Variants in SF3A2 observed in about 807,000 individuals in gnomAD.
SF3A2 encodes the protein splicing factor 3a subunit 2.
Under a neutral mutation model 31.1 loss-of-function variants are expected in SF3A2, and 5 were observed. The observed-to-expected ratio is 0.16, with a 90% confidence interval of 0.08 to 0.34. The LOEUF (loss-of-function observed/expected upper bound fraction) is 0.34. Among genes scored for constraint, SF3A2 ranks in the 10% least tolerant of loss-of-function variants. SF3A2 has a pLI of 1.00. For missense variants in SF3A2, 577 were observed against 643.9 expected, an observed-to-expected ratio of 0.90 and a Z score of 1.13; for synonymous variants, 365 against 263.7, an observed-to-expected ratio of 1.38 and a Z score of -3.72.
Position 2,246,334 on chromosome 19 carries a change from G to A in SF3A2, c.356-419G>A, listed in dbSNP as rs2024932421. ...AGCCATTCTCGGGGTCCAGGCTGCT[G>A]AGCTCTGGCGGGAAGGGCATCCTCT... On this transcript the variant is annotated intron_variant, in intron 5 of 8. Transcript: ENST00000221494. This position sits in a 1 kb window ranked among gnomAD's most constrained non-coding sequence, Gnocchi z 5.5. Among the ~76,000 whole-genome samples the A allele has an allele frequency of 6.6e-6, 1 of 152,164 alleles. No homozygotes were observed. Among genetic ancestry groups the A allele is most frequent in the African/African-American group, 2.4e-5 (1 of 41,436 alleles).
At position 2,247,949 on chromosome 19, in the gene SF3A2, C is replaced by A. The variant is rs767984205; in HGVS notation, c.798C>A (p.Pro266=). Residue 266 remains proline (P), a synonymous_variant, in exon 9 of 9, where the codon CCC becomes CCA. Transcript: ENST00000221494. The stretch of plus-strand genomic sequence containing the variant: ...GCCTGCCTCTGCCACCCATGCCCCC[C>A]ACAGGGCCTGCGCCCTCAGGGCCCC... ...PGGLPLPPMP[P]TGPAPSGPPG... is the part of the protein sequence containing the mutation. The A allele has an allele frequency of 2.7e-5, 39 of 1,421,558 alleles. No homozygotes were observed. The highest frequency in any genetic ancestry group is 3.4e-5 in the Non-Finnish European group (35 of 1,029,068). 88.1% of individuals were successfully genotyped at this position (1,421,558 alleles called of 1,614,324 possible). A position where few individuals can be genotyped will look rare whatever the true frequency, so the allele number is the denominator to read the frequency against.
At position 2,243,444 on chromosome 19, in the gene SF3A2, G is replaced by A; in HGVS notation, c.26G>A (p.Gly9Asp). The change falls in exon 2 of 9, where the codon GGC becomes GAC. Residue 9 changes from glycine to aspartate, a missense_variant. Physicochemically the swap from Gly to Asp is moderately conservative, Grantham distance 94. Around this residue, in one of 6 missense-constraint regions of SF3A2, gnomAD observed 40 missense variants for 50.0 expected, o/e 0.80. Coordinates refer to ENST00000221494, the MANE Select transcript of SF3A2 (RefSeq NM_007165.5). MDFQHRPG[G>D]KTGSGGVASS... The stretch of plus-strand genomic sequence containing the variant: ...ATGGACTTCCAGCATCGCCCCGGGG[G>A]CAAGACCGGGAGCGGGGGCGTGGCC... The A allele has an allele frequency of 1.3e-6, 2 of 1,553,078 alleles. No individual in the cohort carries two copies. Among genetic ancestry groups the A allele is most frequent in the Admixed American group, 2.1e-5 (1 of 47,372 alleles).
Position 2,245,815 on chromosome 19 carries a change from T to G in SF3A2, c.355+260T>G. Reference sequence around the variant, plus strand: ...TCTGTGCCCTCCTGTCCGGGTCTTGTGGAAGCTTCTGGGAATTCTTGCCAA... The same window carrying G: ...TCTGTGCCCTCCTGTCCGGGTCTTGGGGAAGCTTCTGGGAATTCTTGCCAA... On this transcript the variant is annotated intron_variant, in intron 5 of 8. Coordinates refer to ENST00000221494, the MANE Select transcript of SF3A2 (RefSeq NM_007165.5). The surrounding 1 kb of genome is among the most constrained non-coding windows in gnomAD (Gnocchi z 4.2). 1 of 501,224 alleles carries G rather than the reference T, an allele frequency of 2.0e-6. No individual in the cohort carries two copies. Among genetic ancestry groups the G allele is most frequent in the South Asian group, 2.6e-5 (1 of 38,936 alleles). 31.0% of individuals were successfully genotyped at this position (501,224 alleles called of 1,614,324 possible).
At position 2,245,364 on chromosome 19, in the gene SF3A2, C is replaced by T. The variant is rs2145013954; in HGVS notation, c.246-82C>T. ...CTCAGCTTGTAGTGAGCTCCAAGGT[C>T]AGGGGGCTCCTGGCACCTGGGCCCA... is the stretch of plus-strand genomic sequence containing the variant. On this transcript the variant is annotated intron_variant, in intron 4 of 8. Transcript: ENST00000221494. This position sits in a 1 kb window ranked among gnomAD's most constrained non-coding sequence, Gnocchi z 4.2. The T allele has an allele frequency of 1.9e-6, 2 of 1,039,708 alleles. No individual in the cohort carries two copies. The highest frequency in any genetic ancestry group is 2.6e-5 in the East Asian group (1 of 38,320). 64.4% of individuals were successfully genotyped at this position (1,039,708 alleles called of 1,614,324 possible).
intron 2 of SF3A2, 28 bp from the exon 3 acceptor site, chr19:2,244,516 C>G (rs2024915844): frequency 5.6e-6 from 9 of 1,597,890 alleles, no homozygotes; most frequent in Non-Finnish European, 7.7e-6. Flanking sequence ...GATCTTCTGT[C>G]TAACGGGCCC....
At chr19:2,242,297 C>T (rs760282903) in intron 1 of SF3A2, among the ~76,000 whole-genome samples, 17 of 152,242 alleles carry the variant, frequency 1.1e-4, no homozygotes, top group Non-Finnish European at 7.3e-5. Context: ...GTTCTGGGGT[C>T]AGAGTCCAAA....
rs146159698 is a variant in SF3A2, at chr19:2,238,634, T to C, written c.-38+1733T>C. On this transcript the variant is annotated intron_variant, in intron 1 of 8. Coordinates refer to ENST00000221494, the MANE Select transcript of SF3A2 (RefSeq NM_007165.5). ...TAGGCTTTTCTTGTACCATTCTATC[T>C]TCCCTTAAAGCTAATTAACTTTGTT... Among the ~76,000 whole-genome samples the C allele has an allele frequency of 2.2e-4, 33 of 152,362 alleles. No individual in the cohort carries two copies. The East Asian group carries it at 6.4e-3, about 29-fold the overall frequency.
rs561051323 is a variant in SF3A2, at chr19:2,245,473, G to A, written c.273G>A (p.Lys91=). The change falls in exon 5 of 9, where the codon AAG becomes AAA. Residue 91 remains lysine (K), a synonymous_variant. Transcript: ENST00000221494. This position sits in a 1 kb window ranked among gnomAD's most constrained non-coding sequence, Gnocchi z 4.2. The part of the protein sequence containing the change: ...NLARRAAKEA[K]EAPAQPAPEK... ...CCCGGCGAGCAGCCAAGGAGGCCAAGGAGGCCCCTGCCCAGCCCGCGCCTG... is the reference window on the plus strand; with the variant it reads ...CCCGGCGAGCAGCCAAGGAGGCCAAAGAGGCCCCTGCCCAGCCCGCGCCTG... The A allele has an allele frequency of 3.9e-5, 60 of 1,550,938 alleles. 1 individual carries two copies. In the Admixed American group the frequency reaches 5.7e-4, roughly 15 times the overall value.
chr19:2,241,189 A>G (rs2024885755), intron 1 of SF3A2, among the ~76,000 whole-genome samples: 1 of 151,606 alleles, frequency 6.6e-6, no homozygotes, highest in Non-Finnish European at 1.5e-5. Context: ...GGGAGAGGGG[A>G]GCGCTTGATG....
At chr19:2,243,332 C>T in intron 1 of SF3A2, 50 bp from the exon 2 acceptor site, 1 of 1,409,710 alleles carries the variant, frequency 7.1e-7, no homozygotes, top group East Asian at 2.8e-5. Flanking sequence ...GTCCCAGCAG[C>T]AGCCCCGAGT....
In SF3A2 at chr19:2,245,090, G is replaced by T; in HGVS notation, c.245+311G>T. On this transcript the variant is annotated intron_variant, in intron 4 of 8. Transcript: ENST00000221494. This position sits in a 1 kb window ranked among gnomAD's most constrained non-coding sequence, Gnocchi z 4.2. ...AATCACAGCTACTATGGAGGCTGAG[G>T]CAGGAGAATCTTGAATCTGGGAGGC... The T allele has an allele frequency of 2.0e-6, 1 of 506,810 alleles. No individual in the cohort carries two copies. The highest frequency in any genetic ancestry group is 3.4e-5 in the East Asian group (1 of 29,690). The allele number at this position is 506,810 out of a possible 1,614,324, so 31.4% of individuals were successfully genotyped here. A position where few individuals can be genotyped will look rare whatever the true frequency, so the allele number is the denominator to read the frequency against.
In SF3A2 at chr19:2,248,571, C is replaced by T. The variant is rs1022875413; in HGVS notation, c.*25C>T. ...AGAAGCTGCTCCCTCCCCCAGCAAG[C>T]CCAGCGCCAGGTGCTCTTGCCTTTT... On this transcript the variant is annotated 3_prime_UTR_variant, in exon 9 of 9. Transcript: ENST00000221494. 7 of 782,160 alleles carry T rather than the reference C, an allele frequency of 8.9e-6. No homozygotes were observed. Among genetic ancestry groups the T allele is most frequent in the Non-Finnish European group, 1.1e-5 (6 of 546,408 alleles). The allele number at this position is 782,160 out of a possible 1,614,324, so 48.5% of individuals were successfully genotyped here. A position where few individuals can be genotyped will look rare whatever the true frequency, so the allele number is the denominator to read the frequency against.
rs113453014 is a variant in SF3A2, at chr19:2,248,282, G to T, written c.1131G>T (p.Pro377=). 3.0e-6 allele frequency: 4 copies of T among 1,322,636 alleles called. No individual in the cohort carries two copies. Among genetic ancestry groups the T allele is most frequent in the Middle Eastern group, 2.6e-4 (1 of 3,830 alleles). The allele number at this position is 1,322,636 out of a possible 1,614,324, so 81.9% of individuals were successfully genotyped here. Residue 377 remains proline (P), a synonymous_variant, in exon 9 of 9, where the codon CCG becomes CCT. Transcript: ENST00000221494. ...PPSAGVHPQA[P]GVHPAAPAVH... is the part of the protein sequence containing the mutation. ...CAGCGGGGGTTCACCCCCAGGCCCCGGGGGTGCACCCAGCAGCCCCCGCCG... is the reference window on the plus strand; with the variant it reads ...CAGCGGGGGTTCACCCCCAGGCCCCTGGGGTGCACCCAGCAGCCCCCGCCG...
At chr19:2,238,589 A>T (rs986383907) in intron 1 of SF3A2, among the ~76,000 whole-genome samples, 2 of 152,220 alleles carry the variant, frequency 1.3e-5, no homozygotes, top group African/African-American at 4.8e-5. Flanking sequence ...TTGGCTGCTA[A>T]AACAAGTAAT....
chr19:2,242,445 ACT>A (rs2024899452), intron 1 of SF3A2, among the ~76,000 whole-genome samples: 3 of 151,586 alleles, frequency 2.0e-5, no homozygotes, highest in Admixed American at 2.0e-4. Context: ...AGCCTCTCTG[ACT>A]CTCAGCCTCC....
At chr19:2,247,059 A>G in intron 7 of SF3A2, 37 bp downstream of exon 7, 1 of 1,584,802 alleles carries the variant, frequency 6.3e-7, no homozygotes, top group Non-Finnish European at 8.5e-7. Context: ...CCCCCTTGAG[A>G]TGTGCAAGCC....
At chr19:2,242,305 A>C (rs940371438) in intron 1 of SF3A2, among the ~76,000 whole-genome samples, 6 of 152,264 alleles carry the variant, frequency 3.9e-5, no homozygotes, top group Non-Finnish European at 7.3e-5. Context: ...GTCAGAGTCC[A>C]AACAGTCCAC....
At position 2,245,865 on chromosome 19, in the gene SF3A2, G is replaced by A. The variant is rs1480894779; in HGVS notation, c.355+310G>A. 2 of 409,912 alleles carry A rather than the reference G, an allele frequency of 4.9e-6. No homozygotes were observed. The highest frequency in any genetic ancestry group is 4.1e-5 in the African/African-American group (2 of 49,178). 25.4% of individuals were successfully genotyped at this position (409,912 alleles called of 1,614,324 possible). A position where few individuals can be genotyped will look rare whatever the true frequency, so the allele number is the denominator to read the frequency against. On this transcript the variant is annotated intron_variant, in intron 5 of 8. Transcript: ENST00000221494. The surrounding 1 kb of genome is among the most constrained non-coding windows in gnomAD (Gnocchi z 4.2). ...AGCAAAAGAGTGGAAGTGGAGGTGTGGTGAGCCCTGGCACATCCCTCCGGT... is the reference window on the plus strand; with the variant it reads ...AGCAAAAGAGTGGAAGTGGAGGTGTAGTGAGCCCTGGCACATCCCTCCGGT...
Position 2,243,375 on chromosome 19 carries a change from T to C in SF3A2, c.-37-7T>C. 6.7e-7 allele frequency: 1 copy of C among 1,483,566 alleles called. No homozygotes were observed. Among genetic ancestry groups the C allele is most frequent in the East Asian group, 2.7e-5 (1 of 37,146 alleles). The allele number at this position is 1,483,566 out of a possible 1,614,324, so 91.9% of individuals were successfully genotyped here. A position where few individuals can be genotyped will look rare whatever the true frequency, so the allele number is the denominator to read the frequency against. ...CATCTTCCTCACTCTCCTCTTGGCC[T>C]CCACAGGTGTCTCCCAGTCTGCTAA... On this transcript the variant is annotated splice_region_variant and splice_polypyrimidine_tract_variant and intron_variant, in intron 1 of 8. Transcript: ENST00000221494.
Sources: gnomAD v4.1 joint callset for allele counts (sites outside exome capture counted in the v4.1 genomes callset) on GRCh38, gnomAD v4.1.1 for gene constraint, gnomAD v4.1.1 regional missense constraint, Gnocchi (gnomAD v3.1) non-coding constraint, MANE v1.5 for transcripts, NCBI Gene and HGNC (gene_info 2026-07-23, HGNC 2026-07-21) for gene names.